The following GPR139 variants were observed in gnomAD, a reference collection of about 807,000 sequenced individuals.
GPR139 encodes the protein probable G protein-coupled receptor 139.
A neutral mutation model predicts 25.8 loss-of-function variants in GPR139; 12 were observed. The observed-to-expected ratio is 0.47, with a 90% confidence interval of 0.30 to 0.75. The LOEUF is 0.75. GPR139 is among the 30% of genes least tolerant of loss of function. The pLI is 0.07. For synonymous variants in GPR139, 184 were observed against 179.9 expected (o/e 1.02, Z -0.18); for missense variants, 380 against 450.2 (o/e 0.84, Z 1.41).
At chr16:20,045,194 T>A (rs1163444586) in intron 1 of GPR139, among the ~76,000 whole-genome samples, 1 of 151,980 alleles carries the variant, frequency 6.6e-6, no homozygotes, top group African/African-American at 2.4e-5. Flanking sequence ...GAGACAGGGT[T>A]TCACCATGTT....
chr16:20,065,379 C>T (rs2057428295), intron 1 of GPR139, among the ~76,000 whole-genome samples: 1 of 152,130 alleles, frequency 6.6e-6, no homozygotes, highest in African/African-American at 2.4e-5. Flanking sequence ...CTGTTGTGGT[C>T]ACTCCCACTT....
At position 20,032,320 on chromosome 16, in the gene GPR139, G is replaced by T; in HGVS notation, c.477C>A (p.Thr159=). ...TGGGCCACCAGTAATAGGGGATGCTGGTCAGGAAGCAGGTGATGTAAACAC... is the reference window on the plus strand; with the variant it reads ...TGGGCCACCAGTAATAGGGGATGCTTGTCAGGAAGCAGGTGATGTAAACAC... The part of the protein sequence containing the change: ...IVSVYITCFL[T]SIPYYWWPNI... The change falls in exon 2 of 2, where the codon ACC becomes ACA. Residue 159 remains threonine (T), a synonymous_variant. Transcript: ENST00000570682. 1 of 1,614,196 alleles carries T rather than the reference G, an allele frequency of 6.2e-7. No individual in the cohort carries two copies. The highest frequency in any genetic ancestry group is 1.1e-5 in the South Asian group (1 of 91,082).
Position 20,031,485 on chromosome 16 carries a change from A to G in GPR139, c.*250T>C, listed in dbSNP as rs894003882. On this transcript the variant is annotated 3_prime_UTR_variant, in exon 2 of 2. Transcript: ENST00000570682. ...GGATGATGACACAAGCTCCAATGGC[A>G]TCTTCAAACTGGTAGGAGCTTTTGC... is the stretch of plus-strand genomic sequence containing the variant. 7 of 509,562 alleles carry G rather than the reference A, an allele frequency of 1.4e-5. No individual in the cohort carries two copies. The highest frequency in any genetic ancestry group is 2.1e-5 in the Non-Finnish European group (6 of 284,066). The allele number at this position is 509,562 out of a possible 1,614,324, so 31.6% of individuals were successfully genotyped here.
intron 1 of GPR139, chr16:20,070,828 G>C: frequency 2.9e-6 from 1 of 344,932 alleles, no homozygotes; most frequent in Non-Finnish European, 4.1e-6. Flanking sequence ...GTCAGTGGTG[G>C]AGTAATGAGA....
At chr16:20,051,009 G>C (rs1228707213) in intron 1 of GPR139, among the ~76,000 whole-genome samples, 1 of 145,568 alleles carries the variant, frequency 6.9e-6, no homozygotes, top group Non-Finnish European at 1.5e-5. Context: ...GCTGCAGTGA[G>C]TGGAGATCGT....
At chr16:20,035,687 G>A (rs2057307468) in intron 1 of GPR139, among the ~76,000 whole-genome samples, 1 of 152,226 alleles carries the variant, frequency 6.6e-6, no homozygotes, top group African/African-American at 2.4e-5. Context: ...CTGAGATTTG[G>A]AAGACCAGGA....
chr16:20,044,047 A>G (rs1184895291), intron 1 of GPR139, among the ~76,000 whole-genome samples: 2 of 152,188 alleles, frequency 1.3e-5, no homozygotes, highest in Non-Finnish European at 2.9e-5. Flanking sequence ...ACCTGGTTCA[A>G]AGGGATGCTG....
chr16:20,063,844 C>G (rs562825079), intron 1 of GPR139, among the ~76,000 whole-genome samples: 2 of 152,110 alleles, frequency 1.3e-5, no homozygotes, highest in African/African-American at 2.4e-5. Context: ...TGTATTAGTA[C>G]GTTCTCACAC....
rs2057467184 is a variant in GPR139 at position 20,073,332 on chromosome 16, C to T, written c.127+158G>A. Reference sequence around the variant, plus strand: ...GTCCCCAGCTAGGGCACAGCAACTTCCTTTCCCCCCGTGTGGAAATATCCA... The same window carrying T: ...GTCCCCAGCTAGGGCACAGCAACTTTCTTTCCCCCCGTGTGGAAATATCCA... On this transcript the variant is annotated intron_variant, in intron 1 of 1. Transcript: ENST00000570682. This position sits in a 1 kb window ranked among gnomAD's most constrained non-coding sequence, Gnocchi z 4.7. Among the ~76,000 whole-genome samples the T allele has an allele frequency of 6.6e-6, 1 of 151,992 alleles. No homozygotes were observed. Among genetic ancestry groups the T allele is most frequent in the Non-Finnish European group, 1.5e-5 (1 of 68,000 alleles).
At chr16:20,054,070 A>C (rs2057381169) in intron 1 of GPR139, among the ~76,000 whole-genome samples, 1 of 152,158 alleles carries the variant, frequency 6.6e-6, no homozygotes, top group African/African-American at 2.4e-5. Context: ...GATGTGTGTC[A>C]GTCTTGTTTA....
At chr16:20,040,602 A>G (rs1023728834) in intron 1 of GPR139, among the ~76,000 whole-genome samples, 2 of 152,160 alleles carry the variant, frequency 1.3e-5, no homozygotes, top group Non-Finnish European at 2.9e-5. Flanking sequence ...TTTCTTTTGG[A>G]TAAATTCCCA....
intron 1 of GPR139, among the ~76,000 whole-genome samples, chr16:20,042,973 A>C (rs909226185): frequency 1.3e-5 from 2 of 152,136 alleles, no homozygotes; most frequent in Non-Finnish European, 2.9e-5. Flanking sequence ...TGAATTTGTC[A>C]TTGGGGTCCT....
At chr16:20,046,709 G>A (rs1048302208) in intron 1 of GPR139, among the ~76,000 whole-genome samples, 1 of 152,126 alleles carries the variant, frequency 6.6e-6, no homozygotes, top group Non-Finnish European at 1.5e-5. Context: ...GAGGAGAACG[G>A]CACTCGAGGA....
At chr16:20,051,974 G>A (rs2057373787) in intron 1 of GPR139, among the ~76,000 whole-genome samples, 1 of 152,182 alleles carries the variant, frequency 6.6e-6, no homozygotes. Context: ...CCTCTAAAAT[G>A]AGACTAGTAT....
Position 20,041,248 on chromosome 16 carries a change from GAGGGA to G in GPR139, c.128-8584_128-8580del, listed in dbSNP as rs1567236060. 5.1e-3 allele frequency among the ~76,000 whole-genome samples: 32 copies of G among 6,252 alleles called. 12 individuals are homozygous for G. Among genetic ancestry groups the G allele is most frequent in the Non-Finnish European group, 9.3e-3 (22 of 2,374 alleles). 4.1% of individuals were successfully genotyped at this position (6,252 alleles called of 152,430 possible). On this transcript the variant is annotated intron_variant, in intron 1 of 1. Coordinates refer to ENST00000570682, the MANE Select transcript of GPR139 (RefSeq NM_001002911.4). ...GAGGAGAGGAGAGGAGAGGAGAGGA[GAGGGA>G]AGGAGAAAAGAAAAGCATCTCTCTC... is the stretch of plus-strand genomic sequence containing the variant.
chr16:20,048,456 A>C (rs115968357), intron 1 of GPR139, among the ~76,000 whole-genome samples: 2,554 of 152,344 alleles, frequency 0.017, 76 homozygotes, highest in African/African-American at 0.059. Context: ...CCAAGGCAGC[A>C]TGAGGCATCA....
At chr16:20,064,760 C>A (rs2141214388) in intron 1 of GPR139, among the ~76,000 whole-genome samples, 1 of 152,266 alleles carries the variant, frequency 6.6e-6, no homozygotes, top group Admixed American at 6.5e-5. Context: ...GCCAGAGCCC[C>A]ATTAACAGGA....
intron 1 of GPR139, among the ~76,000 whole-genome samples, chr16:20,068,813 A>G (rs1490304949): frequency 6.6e-6 from 1 of 152,076 alleles, no homozygotes; most frequent in Non-Finnish European, 1.5e-5. Flanking sequence ...ATGAGTTTTT[A>G]TCACAAATCG....
At position 20,032,023 on chromosome 16, in the gene GPR139, C is replaced by T; in HGVS notation, c.774G>A (p.Gln258=). ...ACATGATGTGTACCAGCCAGCGGTT[C>T]TGGATGGGCGCCCCATAGAGGTGGT... ...ILYHLYGAPI[Q]NRWLVHIMSD... Residue 258 remains glutamine (Q), a synonymous_variant, in exon 2 of 2, where the codon CAG becomes CAA. Transcript: ENST00000570682. 6.2e-7 allele frequency: 1 copy of T among 1,614,166 alleles called. No homozygotes were observed. The highest frequency in any genetic ancestry group is 8.5e-7 in the Non-Finnish European group (1 of 1,180,028).
Sources: gnomAD v4.1 joint callset for allele counts (sites outside exome capture counted in the v4.1 genomes callset) on GRCh38, gnomAD v4.1.1 for gene constraint, Gnocchi (gnomAD v3.1) non-coding constraint, MANE v1.5 for transcripts, NCBI Gene and HGNC (gene_info 2026-07-23, HGNC 2026-07-21) for gene names.